Variants in AQR observed in about 807,000 individuals in gnomAD.
AQR encodes aquarius intron-binding spliceosomal factor, also known as RNA helicase aquarius.
A neutral mutation model predicts 180.5 loss-of-function variants in AQR; 61 were observed. The ratio of observed to expected loss-of-function variants is 0.34; its 90% CI spans 0.28 to 0.42. The LOEUF (loss-of-function observed/expected upper bound fraction) is 0.42. Ranked by LOEUF, AQR falls within the 10% of genes least tolerant of loss-of-function variation. The probability of loss-of-function intolerance (pLI) is 1.00; values close to 1 mark genes in which losing one functional copy is unlikely to be tolerated. For missense variants in AQR, 1,281 were observed against 1,798.3 expected, an observed-to-expected ratio of 0.71 and a Z score of 5.20; for synonymous variants, 551 against 588.8, an observed-to-expected ratio of 0.94 and a Z score of 0.93.
intron 4 of AQR, among the ~76,000 whole-genome samples, chr15:34,950,390 CTT>C: frequency 6.6e-6 from 1 of 152,192 alleles, no homozygotes; most frequent in South Asian, 2.1e-4. Flanking sequence ...TCCCGGCCCT[CTT>C]TGCTATTTTC....
chr15:34,876,776 C>G (rs1281443201), intron 27 of AQR, among the ~76,000 whole-genome samples: 2 of 152,166 alleles, frequency 1.3e-5, no homozygotes, highest in Non-Finnish European at 2.9e-5. Context: ...TTATCTTTCT[C>G]CTTACTCACT....
chr15:34,881,492 T>C (rs1388861538), intron 27 of AQR, among the ~76,000 whole-genome samples: 1 of 152,234 alleles, frequency 6.6e-6, no homozygotes, highest in Non-Finnish European at 1.5e-5. Context: ...GAAAGTTAAA[T>C]GACTGTATTA....
intron 16 of AQR, 89 bp from the exon 17 acceptor site, chr15:34,910,402 G>T: frequency 7.4e-7 from 1 of 1,358,560 alleles, no homozygotes; most frequent in Non-Finnish European, 1.0e-6. Context: ...TAGGAATACT[G>T]TTCAGCTAGT....
intron 6 of AQR, chr15:34,943,152 C>T (rs1894052828): frequency 6.2e-7 from 1 of 1,611,196 alleles, no homozygotes; most frequent in Middle Eastern, 2.2e-4. Context: ...TAAAGTGACA[C>T]AGTACAAGAA....
At chr15:34,861,919 T>A (rs1430912819) in intron 33 of AQR, among the ~76,000 whole-genome samples, 1 of 151,874 alleles carries the variant, frequency 6.6e-6, no homozygotes, top group Non-Finnish European at 1.5e-5. Flanking sequence ...AAAATAATGT[T>A]ATTTAAAATC....
chr15:34,947,513 A>AATAAT (rs1555426503), intron 5 of AQR, among the ~76,000 whole-genome samples: 5 of 145,210 alleles, frequency 3.4e-5, no homozygotes, highest in Admixed American at 1.4e-4. Context: ...TCAATAAAAA[A>AATAAT]AATAATAATA....
Position 34,874,852 on chromosome 15 carries a change from C to T in AQR, c.3250G>A (p.Gly1084Arg), listed in dbSNP as rs1892869425. The T allele has an allele frequency of 1.9e-6, 3 of 1,612,550 alleles. No homozygotes were observed. In the African/African-American group the frequency reaches 4.0e-5, roughly 22 times the overall value. The change falls in exon 29 of 35, where the codon GGA becomes AGA. Residue 1084 changes from glycine (G) to arginine (R), a missense_variant. By Grantham distance (125) the Gly-to-Arg change is moderately radical. This residue lies in a region of AQR where 197 missense variants were observed against 320.7 expected (regional missense o/e 0.61). Transcript: ENST00000156471. ...ATCCATCGTTTTAGTCGGCTAAATC[C>T]ATCCTGAGGATTCTAGAAATGAAAA... The part of the protein sequence containing the change: ...IPLLLQNPQD[G>R]FSRLKRWIMI...
intron 24 of AQR, among the ~76,000 whole-genome samples, chr15:34,889,751 ACCTCTGCCT>A (rs1893114730): frequency 6.6e-6 from 1 of 152,084 alleles, no homozygotes; most frequent in Admixed American, 6.6e-5. Flanking sequence ...GCTCACTGCA[ACCTCTGCCT>A]CCCGGGTTAC....
chr15:34,912,222 T>C (rs569696362), intron 16 of AQR, among the ~76,000 whole-genome samples: 1 of 152,302 alleles, frequency 6.6e-6, no homozygotes, highest in East Asian at 1.9e-4. Flanking sequence ...TCCAGCTTTG[T>C]TCTTCTTGAT....
chr15:34,872,943 T>C lies in AQR; in HGVS notation c.3597+885A>G, dbSNP rs1326014605. ...CTGCCAGGTCATTTTGTATAGATTA[T>C]CTGTATGTATTTCTATATGTATGTA... On this transcript the variant is annotated intron_variant, in intron 30 of 34. Transcript: ENST00000156471. Among the ~76,000 whole-genome samples, 3 of 152,274 alleles carry C rather than the reference T, an allele frequency of 2.0e-5. No individual in the cohort carries two copies. The East Asian group carries it at 5.8e-4, about 29-fold the overall frequency.
chr15:34,904,561 T>G (rs1893383081), intron 18 of AQR, 56 bp from the exon 19 acceptor site: 3 of 1,476,788 alleles, frequency 2.0e-6, no homozygotes, highest in Non-Finnish European at 2.8e-6. Context: ...AATATCAAAA[T>G]AAGTTAACAG....
At chr15:34,917,644 T>G (rs1278645512) in intron 15 of AQR, among the ~76,000 whole-genome samples, 1 of 152,036 alleles carries the variant, frequency 6.6e-6, no homozygotes, top group Non-Finnish European at 1.5e-5. Flanking sequence ...CCTATCATAG[T>G]GACAAAATGA....
At chr15:34,893,381 C>T (rs4924338) in intron 23 of AQR, among the ~76,000 whole-genome samples, 67,554 of 151,876 alleles carry the variant, frequency 0.44, 18,000 homozygotes, top group Non-Finnish European at 0.6. Context: ...GGGGTCCTCA[C>T]GGGAAACCAG....
At chr15:34,864,312 T>C (rs1422376151) in intron 32 of AQR, among the ~76,000 whole-genome samples, 2 of 152,100 alleles carry the variant, frequency 1.3e-5, no homozygotes, top group African/African-American at 4.8e-5. Flanking sequence ...TAGGTACCCT[T>C]TCCCCAGCAA....
chr15:34,940,214 A>G (rs1894002267), intron 8 of AQR, among the ~76,000 whole-genome samples: 1 of 152,218 alleles, frequency 6.6e-6, no homozygotes, highest in Non-Finnish European at 1.5e-5. Context: ...AACAGCTGCA[A>G]GCTTCTGAAA....
At chr15:34,879,122 C>T (rs557819573) in intron 27 of AQR, among the ~76,000 whole-genome samples, 16 of 152,150 alleles carry the variant, frequency 1.1e-4, no homozygotes, top group South Asian at 6.2e-4. Flanking sequence ...ATGATCACCA[C>T]TATCTCTGGA....
At chr15:34,895,501 CAGAA>C (rs982556909) in intron 22 of AQR, among the ~76,000 whole-genome samples, 1 of 151,318 alleles carries the variant, frequency 6.6e-6, no homozygotes, top group African/African-American at 2.4e-5. Context: ...AGTAAAATGA[CAGAA>C]AAAGAAATAT....
At chr15:34,930,197 C>A (rs1893831343) in intron 12 of AQR, 61 bp downstream of exon 12, 6 of 1,017,392 alleles carry the variant, frequency 5.9e-6, no homozygotes, top group Admixed American at 4.1e-5. Context: ...TATACAAAAC[C>A]TAAATTGCAG....
At chr15:34,917,250 T>C (rs1893609191) in intron 15 of AQR, among the ~76,000 whole-genome samples, 1 of 152,226 alleles carries the variant, frequency 6.6e-6, no homozygotes, top group Non-Finnish European at 1.5e-5. Context: ...GGATATGTCT[T>C]AGATTAACCA....
Sources: gnomAD v4.1 joint callset for allele counts (sites outside exome capture counted in the v4.1 genomes callset) on GRCh38, gnomAD v4.1.1 for gene constraint, gnomAD v4.1.1 regional missense constraint, MANE v1.5 for transcripts, NCBI Gene and HGNC (gene_info 2026-07-23, HGNC 2026-07-21) for gene names.